Variants in DDB1 observed in about 807,000 individuals in gnomAD.
The protein encoded by DDB1 is damage specific DNA binding protein 1, also known as DNA damage-binding protein 1.
Under a neutral mutation model 133.1 loss-of-function variants are expected in DDB1, and 18 were observed. That is an observed-to-expected ratio of 0.14 (90% CI 0.09 to 0.20). The LOEUF is 0.20. Ranked by LOEUF, DDB1 falls within the 10% of genes least tolerant of loss-of-function variation. DDB1 has a pLI of 1.00. For missense variants in DDB1, 828 were observed against 1,459.2 expected, an observed-to-expected ratio of 0.57 and a Z score of 7.05; for synonymous variants, 580 against 550.5, an observed-to-expected ratio of 1.05 and a Z score of -0.75.
chr11:61,324,814 T>C (rs975110729), intron 6 of DDB1, among the ~76,000 whole-genome samples: 15 of 152,236 alleles, frequency 9.9e-5, no homozygotes, highest in Admixed American at 9.2e-4. Flanking sequence ...TATATTACTT[T>C]ATATGACTTG....
chr11:61,332,991 C>A lies in DDB1; in HGVS notation c.-23G>T. ...CATGTCGAGGCTTGGAGCGGCCCGTCGGGACTCGAGCGCGACACTAGAAAG... is the reference window on the plus strand; with the variant it reads ...CATGTCGAGGCTTGGAGCGGCCCGTAGGGACTCGAGCGCGACACTAGAAAG... On this transcript the variant is annotated 5_prime_UTR_variant, in exon 1 of 27. Transcript: ENST00000301764. 6.7e-7 allele frequency: 1 copy of A among 1,490,632 alleles called. No homozygotes were observed. The highest frequency in any genetic ancestry group is 9.0e-7 in the Non-Finnish European group (1 of 1,111,368). 92.3% of individuals were successfully genotyped at this position (1,490,632 alleles called of 1,614,324 possible).
At chr11:61,318,008 A>AAGG (rs1180414150) in intron 10 of DDB1, among the ~76,000 whole-genome samples, 1 of 152,174 alleles carries the variant, frequency 6.6e-6, no homozygotes, top group African/African-American at 2.4e-5. Flanking sequence ...CCTGAACAGT[A>AAGG]AGGACTACAG....
chr11:61,314,085 G>C lies in DDB1; in HGVS notation c.1715C>G (p.Pro572Arg), dbSNP rs1856024034. Residue 572 changes from proline to arginine, a missense_variant, in exon 14 of 27, where the codon CCC becomes CGC. Around this residue, in one of 7 missense-constraint regions of DDB1, gnomAD observed 396 missense variants for 554.1 expected, o/e 0.71. Coordinates refer to ENST00000301764, the MANE Select transcript of DDB1 (RefSeq NM_001923.5). ...TDISARILKL[P>R]SFELLHKEML... ...CTCCTTGTGCAGTAGTTCAAAAGAG[G>C]GCAACTTCAAGATACGAGCCGAGAT... The C allele has an allele frequency of 1.9e-6, 3 of 1,613,894 alleles. No individual in the cohort carries two copies. The Admixed American group carries it at 5.0e-5, about 27-fold the overall frequency.
intron 8 of DDB1, 103 bp downstream of exon 8, chr11:61,322,908 T>G: frequency 1.1e-6 from 1 of 880,062 alleles, no homozygotes; most frequent in Non-Finnish European, 1.8e-6. Flanking sequence ...AGTAGGGATG[T>G]GGATAAAATG....
intron 16 of DDB1, among the ~76,000 whole-genome samples, chr11:61,312,389 G>C (rs1397614309): frequency 6.6e-6 from 1 of 152,156 alleles, no homozygotes; most frequent in African/African-American, 2.4e-5. Context: ...TGTCAGAGTT[G>C]GCTGGAGGGC....
chr11:61,314,217 AAAG>A lies in DDB1; in HGVS notation c.1590-10_1590-8del, dbSNP rs757376867. ...ATGTTCCATCTCTGTGTGGCTGAAC[AAAG>A]AAGAATATGGCAGAGGAAGGAATCC... On this transcript the variant is annotated splice_region_variant and splice_polypyrimidine_tract_variant and intron_variant, in intron 13 of 26. Transcript: ENST00000301764. 67 of 1,597,214 alleles carry A rather than the reference AAAG, an allele frequency of 4.2e-5. No individual in the cohort carries two copies. Among genetic ancestry groups the A allele is most frequent in the Non-Finnish European group, 5.4e-5 (63 of 1,171,606 alleles).
chr11:61,322,399 C>T lies in DDB1; in HGVS notation c.1019G>A (p.Ser340Asn). The change falls in exon 9 of 27, where the codon AGT becomes AAT. Residue 340 changes from serine (S) to asparagine (N), a missense_variant. Physicochemically the swap from Ser to Asn is conservative, Grantham distance 46 (BLOSUM62 1). This residue lies in a region of DDB1 where 35 missense variants were observed against 123.3 expected (regional missense o/e 0.28). Transcript: ENST00000301764. ...DSQLVKLNVD[S>N]NEQGSYVVAM... ...CACTACATAGGAGCCTTGTTCATTA[C>T]TGTCAACGTTGAGCTAATAAGAAAG... is the stretch of plus-strand genomic sequence containing the variant. 1 of 1,613,872 alleles carries T rather than the reference C, an allele frequency of 6.2e-7. No individual in the cohort carries two copies. Among genetic ancestry groups the T allele is most frequent in the South Asian group, 1.1e-5 (1 of 91,064 alleles).
intron 16 of DDB1, among the ~76,000 whole-genome samples, chr11:61,312,598 C>G (rs1349242014): frequency 6.6e-6 from 1 of 151,050 alleles, no homozygotes; most frequent in Non-Finnish European, 1.5e-5. Flanking sequence ...CAACCTCCAC[C>G]TCCCAGTTTC....
rs185352864 is a variant in DDB1 at position 61,302,997 on chromosome 11, A to G, written c.2942+49T>C. The G allele has an allele frequency of 1.1e-4, 173 of 1,547,520 alleles. No homozygotes were observed. The African/African-American group carries it at 2.1e-3, about 19-fold the overall frequency. Reference sequence around the variant, plus strand: ...CCAATGCTTGCATCCACCAGAGACCAAGGAACTCCCAGCCCTCCCCACCAC... The same window carrying G: ...CCAATGCTTGCATCCACCAGAGACCGAGGAACTCCCAGCCCTCCCCACCAC... On this transcript the variant is annotated intron_variant, in intron 23 of 26. Transcript: ENST00000301764.
Position 61,314,380 on chromosome 11 carries a change from C to T in DDB1, c.1517G>A (p.Ser506Asn). Residue 506 changes from serine (S) to asparagine (N), a missense_variant, in exon 13 of 27, where the codon AGC (serine) becomes AAC (asparagine). Physicochemically the swap from Ser to Asn is conservative, Grantham distance 46. Coordinates refer to ENST00000301764, the MANE Select transcript of DDB1 (RefSeq NM_001923.5). ...KNISVASCNS[S>N]QVVVAVGRAL... ...CCTGCCTACAGCCACCACCACCTGG[C>T]TGCTATTGCAGGAGGCCACACTGAT... The T allele has an allele frequency of 6.2e-7, 1 of 1,614,256 alleles. No homozygotes were observed. Among genetic ancestry groups the T allele is most frequent in the Admixed American group, 1.7e-5 (1 of 60,024 alleles).
intron 10 of DDB1, among the ~76,000 whole-genome samples, chr11:61,318,028 G>T (rs533939833): frequency 6.6e-6 from 1 of 152,204 alleles, no homozygotes; most frequent in African/African-American, 2.4e-5. Flanking sequence ...GGCCCACTAT[G>T]CAACACTAAG....
chr11:61,323,166 CAG>C, intron 7 of DDB1, 72 bp from the exon 8 acceptor site: 1 of 1,239,364 alleles, frequency 8.1e-7, no homozygotes, highest in Non-Finnish European at 1.2e-6. Context: ...ACCCACATCT[CAG>C]ACATCTGCTG....
intron 12 of DDB1, 141 bp from the exon 13 acceptor site, chr11:61,314,627 C>T: frequency 1.2e-6 from 1 of 836,814 alleles, no homozygotes; most frequent in Non-Finnish European, 1.8e-6. Context: ...CAAAGTCCTG[C>T]TAATGATTAC....
chr11:61,320,348 C>T (rs1296276965), intron 10 of DDB1, among the ~76,000 whole-genome samples: 1 of 151,600 alleles, frequency 6.6e-6, no homozygotes, highest in East Asian at 1.9e-4. Context: ...TTACAGGCAC[C>T]CACACCATGC....
chr11:61,324,205 G>T, intron 6 of DDB1, 68 bp from the exon 7 acceptor site: 6 of 1,576,518 alleles, frequency 3.8e-6, no homozygotes, highest in Non-Finnish European at 5.2e-6. Flanking sequence ...AACCCTACTG[G>T]ACCACTCCCT....
intron 5 of DDB1, 23 bp downstream of exon 5, chr11:61,326,756 C>T (rs768932406): frequency 1.2e-6 from 2 of 1,600,192 alleles, no homozygotes; most frequent in Admixed American, 1.7e-5. Context: ...GGTGGAGGCA[C>T]ATTTCCTAAA....
At chr11:61,315,733 G>A (rs1856051637) in intron 12 of DDB1, 1 of 152,616 alleles carries the variant, frequency 6.6e-6, no homozygotes, top group African/African-American at 2.4e-5. Flanking sequence ...TCAGAAATGA[G>A]GCTCTCGTGG....
intron 20 of DDB1, 57 bp downstream of exon 20, chr11:61,309,736 GGCC>G: frequency 7.7e-6 from 12 of 1,567,858 alleles, no homozygotes; most frequent in African/African-American, 1.4e-5. Flanking sequence ...ACCTCACAAT[GGCC>G]TGCTGACTTT....
At position 61,300,053 on chromosome 11, in the gene DDB1, A is replaced by C; in HGVS notation, c.*83T>G. 6.9e-7 allele frequency: 1 copy of C among 1,446,238 alleles called. No homozygotes were observed. The highest frequency in any genetic ancestry group is 1.2e-5 in the South Asian group (1 of 86,782). 89.6% of individuals were successfully genotyped at this position (1,446,238 alleles called of 1,614,324 possible). A position where few individuals can be genotyped will look rare whatever the true frequency, so the allele number is the denominator to read the frequency against. ...GCTTAGGGAAAGGCCTCCCATGGCC[A>C]AGAAGACGATGGTGGAGAGGAGGGG... On this transcript the variant is annotated 3_prime_UTR_variant, in exon 27 of 27. Transcript: ENST00000301764.
Sources: gnomAD v4.1 joint callset for allele counts (sites outside exome capture counted in the v4.1 genomes callset) on GRCh38, gnomAD v4.1.1 for gene constraint, gnomAD v4.1.1 regional missense constraint, MANE v1.5 for transcripts, NCBI Gene and HGNC (gene_info 2026-07-23, HGNC 2026-07-21) for gene names.